SCFD2: variants seen among roughly 807,000 people sequenced by gnomAD.
The protein encoded by SCFD2 is sec1 family domain containing 2.
Under a neutral mutation model 58.9 loss-of-function variants are expected in SCFD2, and 54 were observed. That is an observed-to-expected ratio of 0.92 (90% CI 0.74 to 1.15). The LOEUF is 1.15. SCFD2 is among the 50% of genes most tolerant of loss of function. The pLI is 0.00. For missense variants in SCFD2, 805 were observed against 836.6 expected (o/e 0.96, Z 0.47); for synonymous variants, 321 against 335.9 (o/e 0.96, Z 0.49).
At chr4:52,973,506 C>T (rs1292522643) in intron 5 of SCFD2, among the ~76,000 whole-genome samples, 1 of 152,056 alleles carries the variant, frequency 6.6e-6, no homozygotes, top group Non-Finnish European at 1.5e-5. Flanking sequence ...ATAACAGGCT[C>T]TGAAATTGAG....
At chr4:53,240,128 C>CA (rs1476223483) in intron 4 of SCFD2, among the ~76,000 whole-genome samples, 3 of 152,146 alleles carry the variant, frequency 2.0e-5, no homozygotes, top group Admixed American at 6.5e-5. Flanking sequence ...AAACTGCCAC[C>CA]ATGTTTTTGC....
At chr4:53,316,938 C>T (rs1460224684) in intron 2 of SCFD2, among the ~76,000 whole-genome samples, 1 of 151,864 alleles carries the variant, frequency 6.6e-6, no homozygotes, top group Non-Finnish European at 1.5e-5. Context: ...AGAAACCCCG[C>T]CCCTAATAAA....
intron 1 of SCFD2, among the ~76,000 whole-genome samples, chr4:53,358,895 G>T (rs1281072171): frequency 2.0e-5 from 3 of 152,278 alleles, no homozygotes; most frequent in African/African-American, 2.4e-5. Context: ...AAGTAAGCCA[G>T]AATGAAAGAG....
Position 53,332,143 on chromosome 4 carries a change from T to C in SCFD2, c.1008-18380A>G, listed in dbSNP as rs1450716561. Among the ~76,000 whole-genome samples, 3 of 151,008 alleles carry C rather than the reference T, an allele frequency of 2.0e-5. No individual in the cohort carries two copies. In the East Asian group the frequency reaches 5.8e-4, roughly 29 times the overall value. On this transcript the variant is annotated intron_variant, in intron 2 of 8. Transcript: ENST00000401642. ...CAAAAAGAGTCCAGGACCAGACGGATTCACAGCCGAATTCTATCAGAGGTA... is the reference window on the plus strand; with the variant it reads ...CAAAAAGAGTCCAGGACCAGACGGACTCACAGCCGAATTCTATCAGAGGTA...
At chr4:53,224,126 C>G (rs1729127661) in intron 4 of SCFD2, among the ~76,000 whole-genome samples, 1 of 152,116 alleles carries the variant, frequency 6.6e-6, no homozygotes, top group Admixed American at 6.5e-5. Flanking sequence ...CGCAGTGATT[C>G]ACGCCTGTAA....
intron 3 of SCFD2, among the ~76,000 whole-genome samples, chr4:53,277,429 T>C (rs183650530): frequency 1.3e-5 from 2 of 152,258 alleles, no homozygotes; most frequent in Admixed American, 6.5e-5. Context: ...TAGAACTTAG[T>C]CTATCAAGAC....
intron 4 of SCFD2, among the ~76,000 whole-genome samples, chr4:53,238,664 G>A (rs1383459090): frequency 6.6e-6 from 1 of 151,496 alleles, no homozygotes; most frequent in Non-Finnish European, 1.5e-5. Flanking sequence ...GGGCAGAGAT[G>A]CTCCTCACCT....
intron 5 of SCFD2, among the ~76,000 whole-genome samples, chr4:53,076,309 A>G (rs1049425776): frequency 6.6e-6 from 1 of 152,174 alleles, no homozygotes; most frequent in Admixed American, 6.5e-5. Context: ...TTTATAAAGT[A>G]GGTGTTCTCT....
chr4:53,032,663 A>T (rs1722644039), intron 5 of SCFD2, among the ~76,000 whole-genome samples: 1 of 152,208 alleles, frequency 6.6e-6, no homozygotes, highest in Non-Finnish European at 1.5e-5. Context: ...AGGGGTTGCA[A>T]TCCTAATCTC....
At chr4:53,237,093 C>T (rs1012679163) in intron 4 of SCFD2, among the ~76,000 whole-genome samples, 2 of 148,562 alleles carry the variant, frequency 1.3e-5, no homozygotes, top group Admixed American at 6.7e-5. Context: ...CATCTTGCAC[C>T]GCCCTTAATC....
intron 5 of SCFD2, among the ~76,000 whole-genome samples, chr4:52,946,794 G>A (rs1016104974): frequency 1.3e-5 from 2 of 152,068 alleles, no homozygotes; most frequent in African/African-American, 4.8e-5. Context: ...CAGGACTCAG[G>A]GATTGTTTTT....
chr4:53,220,090 C>A (rs980269507), intron 4 of SCFD2, among the ~76,000 whole-genome samples: 6 of 152,316 alleles, frequency 3.9e-5, no homozygotes, highest in Admixed American at 3.9e-4. Context: ...AGTCTCCACT[C>A]AAATATCACT....
At chr4:53,224,909 T>A (rs1416275930) in intron 4 of SCFD2, among the ~76,000 whole-genome samples, 1 of 152,228 alleles carries the variant, frequency 6.6e-6, no homozygotes, top group African/African-American at 2.4e-5. Context: ...TATGTAGTTT[T>A]GTTTTTCATG....
At chr4:52,963,993 A>C (rs1408304558) in intron 5 of SCFD2, among the ~76,000 whole-genome samples, 1 of 152,244 alleles carries the variant, frequency 6.6e-6, no homozygotes, top group African/African-American at 2.4e-5. Context: ...TGTCCTTGCC[A>C]AATTACATTT....
At chr4:53,192,431 C>G (rs1727941750) in intron 4 of SCFD2, among the ~76,000 whole-genome samples, 1 of 152,158 alleles carries the variant, frequency 6.6e-6, no homozygotes, top group African/African-American at 2.4e-5. Flanking sequence ...AAATCAAGGT[C>G]AGAATCAAAT....
intron 3 of SCFD2, among the ~76,000 whole-genome samples, chr4:53,302,452 G>A (rs1732345828): frequency 6.6e-6 from 1 of 152,062 alleles, no homozygotes; most frequent in Non-Finnish European, 1.5e-5. Flanking sequence ...AATAAAAGAG[G>A]ACACAAACAA....
chr4:53,337,970 G>C (rs751825607), intron 2 of SCFD2, among the ~76,000 whole-genome samples: 3 of 152,150 alleles, frequency 2.0e-5, no homozygotes, highest in Non-Finnish European at 4.4e-5. Flanking sequence ...GGATACAAGA[G>C]GATACAGAAT....
chr4:53,222,893 C>T (rs1028418789), intron 4 of SCFD2, among the ~76,000 whole-genome samples: 2 of 152,136 alleles, frequency 1.3e-5, no homozygotes, highest in Non-Finnish European at 2.9e-5. Flanking sequence ...TATTTGCAGG[C>T]ATAGGCAGTA....
rs1245340471 is a variant in SCFD2 at position 52,873,749 on chromosome 4, G to A, written c.*220C>T. 5 of 376,192 alleles carry A rather than the reference G, an allele frequency of 1.3e-5. No individual in the cohort carries two copies. Among genetic ancestry groups the A allele is most frequent in the East Asian group, 4.5e-5 (1 of 22,350 alleles). 23.3% of individuals were successfully genotyped at this position (376,192 alleles called of 1,614,324 possible). ...TGGACTCGCCAAAAGACAGACTGTCGCCTTCAGGAAAATAAAAAAACTTTT... is the reference window on the plus strand; with the variant it reads ...TGGACTCGCCAAAAGACAGACTGTCACCTTCAGGAAAATAAAAAAACTTTT... On this transcript the variant is annotated 3_prime_UTR_variant, in exon 9 of 9. Transcript: ENST00000401642.
Sources: gnomAD v4.1 joint callset for allele counts (sites outside exome capture counted in the v4.1 genomes callset) on GRCh38, gnomAD v4.1.1 for gene constraint, MANE v1.5 for transcripts, NCBI Gene and HGNC (gene_info 2026-07-23, HGNC 2026-07-21) for gene names.